Variants in KCNQ1 observed in about 807,000 individuals in gnomAD.
The protein encoded by KCNQ1 is potassium voltage-gated channel subfamily Q member 1.
In KCNQ1, 49 loss-of-function variants were observed where a neutral mutation model predicts 72.4. The ratio of observed to expected loss-of-function variants is 0.68; its 90% CI spans 0.54 to 0.86. KCNQ1 has a LOEUF of 0.86. KCNQ1 is among the 40% of genes least tolerant of loss of function. KCNQ1 has a pLI of 0.00. For synonymous variants in KCNQ1, 450 were observed against 412.6 expected (o/e 1.09, Z -1.10); for missense variants, 790 against 945.1 (o/e 0.84, Z 2.15).
intron 11 of KCNQ1, among the ~76,000 whole-genome samples, chr11:2,718,002 C>T (rs971915226): frequency 2.6e-5 from 4 of 152,214 alleles, no homozygotes; most frequent in Non-Finnish European, 4.4e-5. Context: ...CTGCGTCTGT[C>T]GCAGAAGTGA....
rs79772120 is a variant in KCNQ1 at position 2,708,307 on chromosome 11, C to T, written c.1514+46226C>T. 6.3e-3 allele frequency among the ~76,000 whole-genome samples: 953 copies of T among 152,288 alleles called. 10 individuals carry two copies. The highest frequency in any genetic ancestry group is 0.021 in the African/African-American group (868 of 41,558). On this transcript the variant is annotated intron_variant, in intron 11 of 15. Coordinates refer to ENST00000155840, the MANE Select transcript of KCNQ1 (RefSeq NM_000218.3). ...CCTCACTGGTGTCTGCGGCCCGGGC[C>T]GCTGGCATGGCTGAGCGGAACTTGG...
Position 2,669,880 on chromosome 11 carries a change from T to C in KCNQ1, c.1514+7799T>C, listed in dbSNP as rs1850150144. ...CACAACATATGGCTGTCAGCTGCTG[T>C]CCTTAATAAGATGTGCCTAGAGGCC... On this transcript the variant is annotated intron_variant, in intron 11 of 15. Coordinates refer to ENST00000155840, the MANE Select transcript of KCNQ1 (RefSeq NM_000218.3). The surrounding 1 kb of genome is among the most constrained non-coding windows in gnomAD (Gnocchi z 5.6). The C allele has an allele frequency of 2.5e-6, 1 of 398,578 alleles. No homozygotes were observed. Among genetic ancestry groups the C allele is most frequent in the Non-Finnish European group, 4.4e-6 (1 of 226,074 alleles). 24.7% of individuals were successfully genotyped at this position (398,578 alleles called of 1,614,324 possible).
At chr11:2,732,150 CG>C (rs1342092222) in intron 11 of KCNQ1, among the ~76,000 whole-genome samples, 2 of 152,210 alleles carry the variant, frequency 1.3e-5, no homozygotes, top group African/African-American at 2.4e-5. Flanking sequence ...TGCTCTGAAG[CG>C]GGGCTGCGGC....
Position 2,497,115 on chromosome 11 carries a change from A to G in KCNQ1, c.387-30813A>G, listed in dbSNP as rs2133637093. Among the ~76,000 whole-genome samples the G allele has an allele frequency of 6.6e-6, 1 of 152,024 alleles. No individual in the cohort carries two copies. Among genetic ancestry groups the G allele is most frequent in the Admixed American group, 6.5e-5 (1 of 15,276 alleles). ...CCTTAACGTTTTGTCCTTCATTTAA[A>G]CCTTGGAGAATCTGACAATTATATG... On this transcript the variant is annotated intron_variant, in intron 1 of 15. Coordinates refer to ENST00000155840, the MANE Select transcript of KCNQ1 (RefSeq NM_000218.3). The surrounding 1 kb of genome is among the most constrained non-coding windows in gnomAD (Gnocchi z 4.5).
chr11:2,800,090 G>A (rs892879562), intron 15 of KCNQ1, among the ~76,000 whole-genome samples: 4 of 152,224 alleles, frequency 2.6e-5, no homozygotes, highest in Admixed American at 6.5e-5. Flanking sequence ...TGGGGGCTGT[G>A]AGCAGATGCA....
Position 2,620,737 on chromosome 11 carries a change from C to A in KCNQ1, c.1393+31883C>A, listed in dbSNP as rs1317219467. 6 of 398,414 alleles carry A rather than the reference C, an allele frequency of 1.5e-5. No homozygotes were observed. 24.7% of individuals were successfully genotyped at this position (398,414 alleles called of 1,614,324 possible). ...GGGATTGCTGGGTCAGATGGTAGTT[C>A]TGTTTTCAGTTATTTGAGAAAACTC... On this transcript the variant is annotated intron_variant, in intron 10 of 15. Transcript: ENST00000155840. This position sits in a 1 kb window ranked among gnomAD's most constrained non-coding sequence, Gnocchi z 4.5.
rs2133868914 is a variant in KCNQ1, at chr11:2,671,563, T to C, written c.1514+9482T>C. On this transcript the variant is annotated intron_variant, in intron 11 of 15. Coordinates refer to ENST00000155840, the MANE Select transcript of KCNQ1 (RefSeq NM_000218.3). The surrounding 1 kb of genome is among the most constrained non-coding windows in gnomAD (Gnocchi z 4.7). Reference sequence around the variant, plus strand: ...CTCTGCCTGACTTATCTCCTAAGTCTTTGGCACTGAGCATTTATACAAGAT... The same window carrying C: ...CTCTGCCTGACTTATCTCCTAAGTCCTTGGCACTGAGCATTTATACAAGAT... 5.0e-6 allele frequency: 2 copies of C among 398,640 alleles called. No homozygotes were observed. The highest frequency in any genetic ancestry group is 6.3e-4 in the Middle Eastern group (1 of 1,588). 24.7% of individuals were successfully genotyped at this position (398,640 alleles called of 1,614,324 possible). A position where few individuals can be genotyped will look rare whatever the true frequency, so the allele number is the denominator to read the frequency against.
In KCNQ1 at chr11:2,746,430, G is replaced by A. The variant is rs982422767; in HGVS notation, c.1515-22414G>A. Among the ~76,000 whole-genome samples the A allele has an allele frequency of 1.3e-5, 2 of 151,962 alleles. No homozygotes were observed. The highest frequency in any genetic ancestry group is 4.8e-5 in the African/African-American group (2 of 41,370). ...TCCCTACTGTCTTTTTTCTCTCCCC[G>A]GGCCCCACCCAGGGTCCCATGTGAC... On this transcript the variant is annotated intron_variant, in intron 11 of 15. Coordinates refer to ENST00000155840, the MANE Select transcript of KCNQ1 (RefSeq NM_000218.3). This position sits in a 1 kb window ranked among gnomAD's most constrained non-coding sequence, Gnocchi z 5.9.
intron 2 of KCNQ1, among the ~76,000 whole-genome samples, chr11:2,531,934 G>A (rs1420768278): frequency 6.6e-6 from 1 of 152,196 alleles, no homozygotes; most frequent in Non-Finnish European, 1.5e-5. Flanking sequence ...GTGGTGCCAC[G>A]TTCAGGCCCA....
At chr11:2,523,375 T>G (rs532652110) in intron 1 of KCNQ1, among the ~76,000 whole-genome samples, 45 of 152,226 alleles carry the variant, frequency 3.0e-4, no homozygotes, top group African/African-American at 1.1e-3. Flanking sequence ...TTTTTTCATA[T>G]TTTTAGTAGA....
At chr11:2,570,801 A>G in intron 3 of KCNQ1, 47 bp downstream of exon 3, 1 of 1,603,858 alleles carries the variant, frequency 6.2e-7, no homozygotes, top group Non-Finnish European at 8.5e-7. Context: ...TTTCCAGACC[A>G]GGAAGGACCC....
chr11:2,613,040 T>C lies in KCNQ1; in HGVS notation c.1393+24186T>C, dbSNP rs1013735996. On this transcript the variant is annotated intron_variant, in intron 10 of 15. Coordinates refer to ENST00000155840, the MANE Select transcript of KCNQ1 (RefSeq NM_000218.3). This position sits in a 1 kb window ranked among gnomAD's most constrained non-coding sequence, Gnocchi z 4.8. The stretch of plus-strand genomic sequence containing the variant: ...TGTTTGTTTTGTAAGCCTGGCTTCA[T>C]TGGTGTCACCCCTGGATCAGCATAA... 5 of 398,522 alleles carry C rather than the reference T, an allele frequency of 1.3e-5. No individual in the cohort carries two copies. Among genetic ancestry groups the C allele is most frequent in the Non-Finnish European group, 2.2e-5 (5 of 226,088 alleles). The allele number at this position is 398,522 out of a possible 1,614,324, so 24.7% of individuals were successfully genotyped here. A position where few individuals can be genotyped will look rare whatever the true frequency, so the allele number is the denominator to read the frequency against.
At chr11:2,656,505 A>C (rs1373190778) in intron 10 of KCNQ1, 1 of 398,490 alleles carries the variant, frequency 2.5e-6, no homozygotes, top group Non-Finnish European at 4.4e-6. Flanking sequence ...TGAGCTCCTG[A>C]GTTTATTTAC....
chr11:2,618,810 A>C (rs1589984851), intron 10 of KCNQ1: 4 of 398,236 alleles, frequency 1.0e-5, no homozygotes, highest in Non-Finnish European at 8.9e-6. Context: ...CAGATTCATG[A>C]GCATGGGATA....
Position 2,549,646 on chromosome 11 carries a change from T to G in KCNQ1, c.478-20982T>G, listed in dbSNP as rs1589944629. On this transcript the variant is annotated intron_variant, in intron 2 of 15. Transcript: ENST00000155840. The surrounding 1 kb of genome is among the most constrained non-coding windows in gnomAD (Gnocchi z 6.2). The stretch of plus-strand genomic sequence containing the variant: ...CCCGGGGTAGGGGCGTGGGGGGGCC[T>G]CCTCCTCCCAAGCACCTGGGGTGGG... Among the ~76,000 whole-genome samples the G allele has an allele frequency of 6.6e-6, 1 of 151,414 alleles. No homozygotes were observed. Among genetic ancestry groups the G allele is most frequent in the East Asian group, 2.0e-4 (1 of 5,122 alleles).
intron 11 of KCNQ1, among the ~76,000 whole-genome samples, chr11:2,727,126 A>G (rs1845778005): frequency 6.6e-6 from 1 of 152,176 alleles, no homozygotes; most frequent in Admixed American, 6.5e-5. Context: ...AGCGAGACAG[A>G]CATAAGCCAG....
At chr11:2,807,582 A>G (rs1026138862) in intron 15 of KCNQ1, among the ~76,000 whole-genome samples, 3 of 152,170 alleles carry the variant, frequency 2.0e-5, no homozygotes, top group East Asian at 1.9e-4. Context: ...CCTCGGGCCC[A>G]GCCTACCAGG....
intron 15 of KCNQ1, among the ~76,000 whole-genome samples, chr11:2,792,232 G>C (rs1296282868): frequency 6.6e-6 from 1 of 152,194 alleles, no homozygotes; most frequent in Non-Finnish European, 1.5e-5. Context: ...ACGTGTGGAA[G>C]ACGCTGCAGC....
At chr11:2,527,123 C>A (rs150272361) in intron 1 of KCNQ1, among the ~76,000 whole-genome samples, 1 of 152,206 alleles carries the variant, frequency 6.6e-6, no homozygotes, top group Non-Finnish European at 1.5e-5. Context: ...CTTTTCTCTG[C>A]GGGCCCACAG....
Sources: allele counts gnomAD v4.1 joint callset (sites outside exome capture counted in the v4.1 genomes callset), GRCh38; gene constraint gnomAD v4.1.1; non-coding constraint Gnocchi (gnomAD v3.1); transcripts MANE v1.5; gene names NCBI Gene and HGNC (gene_info 2026-07-23, HGNC 2026-07-21).